The following SLF1 variants were observed in gnomAD, a reference collection of about 807,000 sequenced individuals.
SLF1 encodes SMC5/6 complex localization factor 1.
A neutral mutation model predicts 123.0 loss-of-function variants in SLF1; 105 were observed. The observed-to-expected ratio is 0.85, with a 90% CI of 0.73 to 1.00. The LOEUF is 1.00. Ranked by LOEUF, SLF1 falls within the 50% of genes least tolerant of loss-of-function variation. The pLI is 0.00. For missense variants in SLF1, 1,239 were observed against 1,223.0 expected, an observed-to-expected ratio of 1.01 and a Z score of -0.20; for synonymous variants, 434 against 406.6, an observed-to-expected ratio of 1.07 and a Z score of -0.81.
At chr5:94,685,554 G>A (rs1350588130) in intron 15 of SLF1, among the ~76,000 whole-genome samples, 2 of 152,036 alleles carry the variant, frequency 1.3e-5, no homozygotes, top group Non-Finnish European at 2.9e-5. Flanking sequence ...GATCACATGG[G>A]AAATAGTCAC....
At chr5:94,647,741 G>A (rs1190719184) in intron 5 of SLF1, among the ~76,000 whole-genome samples, 4 of 144,288 alleles carry the variant, frequency 2.8e-5, no homozygotes, top group African/African-American at 5.2e-5. Context: ...TCACCAATTA[G>A]ACAAAGTATT....
Position 94,665,938 on chromosome 5 carries a change from T to A in SLF1, c.1446T>A (p.Ser482=). The A allele has an allele frequency of 6.4e-7, 1 of 1,551,210 alleles. No individual in the cohort carries two copies. Among genetic ancestry groups the A allele is most frequent in the Non-Finnish European group, 8.7e-7 (1 of 1,146,474 alleles). ...TTCACCTGCATCCTCCTTGGAAGTC[T>A]CCAGCCATGTCGAGATATTATTTAG... ...ALLHLHPPWK[S]PAMSRYYLEL... is the part of the protein sequence containing the mutation. Residue 482 remains serine (S), a synonymous_variant, in exon 12 of 21, where the codon TCT becomes TCA. Coordinates refer to ENST00000265140, the MANE Select transcript of SLF1 (RefSeq NM_032290.4).
chr5:94,625,928 A>G (rs1486661115), intron 1 of SLF1, among the ~76,000 whole-genome samples: 2 of 152,098 alleles, frequency 1.3e-5, no homozygotes, highest in East Asian at 3.9e-4. Flanking sequence ...TTCAAGAGCT[A>G]CATTAATTAA....
chr5:94,685,924 T>C (rs1320639364), intron 15 of SLF1, among the ~76,000 whole-genome samples: 2 of 152,152 alleles, frequency 1.3e-5, no homozygotes, highest in East Asian at 3.8e-4. Context: ...TTCATGTTTT[T>C]CTTCTTTATA....
intron 15 of SLF1, among the ~76,000 whole-genome samples, chr5:94,680,625 T>C (rs1156464218): frequency 6.6e-5 from 10 of 152,222 alleles, no homozygotes; most frequent in Non-Finnish European, 1.5e-5. Flanking sequence ...TAGTTAGATG[T>C]CTTGTTTCCA....
chr5:94,688,685 A>G lies in SLF1; in HGVS notation c.2285+16A>G. The G allele has an allele frequency of 6.2e-7, 1 of 1,613,056 alleles. No homozygotes were observed. The highest frequency in any genetic ancestry group is 2.2e-5 in the East Asian group (1 of 44,838). ...CAGAGTTACTGTAAGTGATGCTGATATCCCAGCTGTGCTTTGTTTTGGAGT... is the reference window on the plus strand; with the variant it reads ...CAGAGTTACTGTAAGTGATGCTGATGTCCCAGCTGTGCTTTGTTTTGGAGT... On this transcript the variant is annotated intron_variant, in intron 17 of 20. Coordinates refer to ENST00000265140, the MANE Select transcript of SLF1 (RefSeq NM_032290.4).
rs772730506 is a variant in SLF1 at position 94,653,314 on chromosome 5, A to C, written c.925A>C (p.Thr309Pro). Residue 309 changes from threonine to proline, a missense_variant, in exon 8 of 21, where the codon ACT becomes CCT. Thr to Pro is a conservative substitution (Grantham distance 38, BLOSUM62 -1). Coordinates refer to ENST00000265140, the MANE Select transcript of SLF1 (RefSeq NM_032290.4). ...AGATGAAGATATTCAGAGGAGTTAT[A>C]CTTTGAGGAGAAAACGCAAGAAAGG... Reference protein sequence around the residue: ...KKDEDIQRSYTLRRKRKKGKE... With the variant: ...KKDEDIQRSYPLRRKRKKGKE... 1 of 1,531,256 alleles carries C rather than the reference A, an allele frequency of 6.5e-7. No individual in the cohort carries two copies. The highest frequency in any genetic ancestry group is 1.3e-5 in the South Asian group (1 of 79,790). The allele number at this position is 1,531,256 out of a possible 1,614,324, so 94.9% of individuals were successfully genotyped here.
At chr5:94,679,087 A>C in intron 15 of SLF1, 132 bp downstream of exon 15, 6 of 909,592 alleles carry the variant, frequency 6.6e-6, no homozygotes, top group African/African-American at 1.7e-5. Context: ...ATGCACGCAC[A>C]CATAGATTCA....
chr5:94,653,880 C>T (rs1037764968), intron 8 of SLF1, among the ~76,000 whole-genome samples: 2 of 150,248 alleles, frequency 1.3e-5, no homozygotes, highest in African/African-American at 4.9e-5. Context: ...CGATCTAAAC[C>T]ATACCATGGG....
At chr5:94,679,212 G>T (rs1751466003) in intron 15 of SLF1, among the ~76,000 whole-genome samples, 1 of 152,054 alleles carries the variant, frequency 6.6e-6, no homozygotes, top group Non-Finnish European at 1.5e-5. Flanking sequence ...TTGTATAGTT[G>T]AGTTCATACT....
intron 11 of SLF1, among the ~76,000 whole-genome samples, chr5:94,664,402 C>T (rs577731386): frequency 6.6e-6 from 1 of 152,226 alleles, no homozygotes; most frequent in African/African-American, 2.4e-5. Context: ...TCAAGTAGTC[C>T]CCCTGCTTCA....
chr5:94,682,981 C>T (rs1751993161), intron 15 of SLF1, among the ~76,000 whole-genome samples: 1 of 152,192 alleles, frequency 6.6e-6, no homozygotes, highest in Admixed American at 6.5e-5. Context: ...GGCTGTGTTC[C>T]AGTAAAACTT....
In SLF1 at chr5:94,688,525, C is replaced by G; in HGVS notation, c.2141C>G (p.Ala714Gly). Residue 714 changes from alanine (A) to glycine (G), a missense_variant, in exon 17 of 21, where the codon GCC (alanine) becomes GGC (glycine). Physicochemically the swap from Ala to Gly is moderately conservative, Grantham distance 60. Coordinates refer to ENST00000265140, the MANE Select transcript of SLF1 (RefSeq NM_032290.4). ...LQKMVYSYLPALGKTGVLGSG... is the reference protein window; with the variant it reads ...LQKMVYSYLPGLGKTGVLGSG... ...CAACAGGTATATTCCTATTTACCAG[C>G]CTTGGGGAAAACTGGTGTGCTTGGG... The G allele has an allele frequency of 1.2e-6, 2 of 1,613,778 alleles. No individual in the cohort carries two copies. Among genetic ancestry groups the G allele is most frequent in the Non-Finnish European group, 1.7e-6 (2 of 1,179,876 alleles).
At chr5:94,630,869 T>G in intron 4 of SLF1, 126 bp downstream of exon 4, 3 of 1,020,220 alleles carry the variant, frequency 2.9e-6, no homozygotes, top group Non-Finnish European at 4.2e-6. Context: ...TCCAATCTCC[T>G]AGGTAAGCCA....
intron 12 of SLF1, among the ~76,000 whole-genome samples, chr5:94,666,632 T>C (rs1749788821): frequency 6.6e-6 from 1 of 152,088 alleles, no homozygotes; most frequent in African/African-American, 2.4e-5. Flanking sequence ...CTTATTCTTC[T>C]GGGAAGATCT....
At chr5:94,621,817 G>T (rs1255326350) in intron 1 of SLF1, among the ~76,000 whole-genome samples, 1 of 151,988 alleles carries the variant, frequency 6.6e-6, no homozygotes, top group East Asian at 1.9e-4. Flanking sequence ...CCCAAATAAT[G>T]CTATGGAAGT....
At position 94,688,655 on chromosome 5, in the gene SLF1, G is replaced by T. The variant is rs746543713; in HGVS notation, c.2271G>T (p.Gly757=). ...LNGTKQKQVE[G]LPELLDLNLA... ...GTACTAAACAAAAACAAGTCGAAGGGCTGCCAGAGTTACTGTAAGTGATGC... is the reference window on the plus strand; with the variant it reads ...GTACTAAACAAAAACAAGTCGAAGGTCTGCCAGAGTTACTGTAAGTGATGC... The change falls in exon 17 of 21, where the codon GGG becomes GGT. Residue 757 remains glycine (G), a synonymous_variant. Transcript: ENST00000265140. 21 of 1,613,936 alleles carry T rather than the reference G, an allele frequency of 1.3e-5. No homozygotes were observed. The highest frequency in any genetic ancestry group is 1.6e-5 in the Non-Finnish European group (19 of 1,179,916).
intron 18 of SLF1, 145 bp from the exon 19 acceptor site, chr5:94,691,419 C>G: frequency 1.5e-5 from 3 of 205,826 alleles, no homozygotes; most frequent in East Asian, 2.3e-4. Context: ...TTTTTAAATG[C>G]AGGGGATGTT....
intron 1 of SLF1, among the ~76,000 whole-genome samples, chr5:94,619,081 G>T (rs1791340982): frequency 6.6e-6 from 1 of 152,058 alleles, no homozygotes; most frequent in African/African-American, 2.4e-5. Context: ...GCTTCTGCTT[G>T]CGCAGCTCTG....
Sources: gnomAD v4.1 joint callset for allele counts (sites outside exome capture counted in the v4.1 genomes callset) on GRCh38, gnomAD v4.1.1 for gene constraint, MANE v1.5 for transcripts, NCBI Gene and HGNC (gene_info 2026-07-23, HGNC 2026-07-21) for gene names.